The following ARHGAP39 variants were observed in gnomAD, a reference collection of about 807,000 sequenced individuals.
The protein encoded by ARHGAP39 is rho GTPase-activating protein 39.
A neutral mutation model predicts 106.9 loss-of-function variants in ARHGAP39; 44 were observed. The observed-to-expected ratio is 0.41, with a 90% CI of 0.32 to 0.53. The LOEUF (loss-of-function observed/expected upper bound fraction) is 0.53, where lower values mean the gene tolerates loss of function less well. Among genes scored for constraint, ARHGAP39 ranks in the 20% least tolerant of loss-of-function variants. The probability of loss-of-function intolerance (pLI) is 0.21; values close to 1 mark genes in which losing one functional copy is unlikely to be tolerated. For missense variants in ARHGAP39, 1,496 were observed against 1,577.3 expected, an observed-to-expected ratio of 0.95 and a Z score of 0.87; for synonymous variants, 768 against 693.2, an observed-to-expected ratio of 1.11 and a Z score of -1.69.
intron 6 of ARHGAP39, among the ~76,000 whole-genome samples, chr8:144,538,547 A>G (rs1817056791): frequency 6.6e-6 from 1 of 152,126 alleles, no homozygotes; most frequent in South Asian, 2.1e-4. Context: ...TTACTCATTT[A>G]TATCAGTATG....
chr8:144,568,985 T>C (rs1818496021), intron 3 of ARHGAP39, among the ~76,000 whole-genome samples: 1 of 152,182 alleles, frequency 6.6e-6, no homozygotes, highest in Non-Finnish European at 1.5e-5. Context: ...TCACACTGTG[T>C]TAATGGTCTA....
At chr8:144,555,472 G>T in intron 4 of ARHGAP39, 88 bp downstream of exon 4, 2 of 1,161,168 alleles carry the variant, frequency 1.7e-6, no homozygotes, top group East Asian at 2.3e-5. Context: ...GCTGCTACGC[G>T]CCAGGCACCT....
chr8:144,534,056 G>A (rs1816849443), intron 8 of ARHGAP39, 73 bp downstream of exon 8: 1 of 1,540,914 alleles, frequency 6.5e-7, no homozygotes. Context: ...CTGCAGGCGG[G>A]GCTCCTGGGG....
chr8:144,530,400 C>T lies in ARHGAP39; in HGVS notation c.*22G>A. Reference sequence around the variant, plus strand: ...CCTGGCTGGGGGCGGCAGGACATCCCTCCTGTCCCCGGGCGCCCCCGCTAC... The same window carrying T: ...CCTGGCTGGGGGCGGCAGGACATCCTTCCTGTCCCCGGGCGCCCCCGCTAC... On this transcript the variant is annotated 3_prime_UTR_variant, in exon 12 of 12. Coordinates refer to ENST00000377307, the MANE Select transcript of ARHGAP39 (RefSeq NM_025251.3). 1 of 1,575,320 alleles carries T rather than the reference C, an allele frequency of 6.3e-7. No individual in the cohort carries two copies. The highest frequency in any genetic ancestry group is 8.6e-7 in the Non-Finnish European group (1 of 1,157,970).
At position 144,641,039 on chromosome 8, in the gene ARHGAP39, T is replaced by C. The variant is rs1821301462; in HGVS notation, c.-81-35344A>G. ...TTTCTTATTTCCTACAATAATAAAATGTACACTCAACTAGATATTTTTATT... is the reference window on the plus strand; with the variant it reads ...TTTCTTATTTCCTACAATAATAAAACGTACACTCAACTAGATATTTTTATT... On this transcript the variant is annotated intron_variant, in intron 1 of 11. Transcript: ENST00000377307. This position sits in a 1 kb window ranked among gnomAD's most constrained non-coding sequence, Gnocchi z 5.2. Among the ~76,000 whole-genome samples, 1 of 152,156 alleles carries C rather than the reference T, an allele frequency of 6.6e-6. No homozygotes were observed.
rs1423028435 is a variant in ARHGAP39 at position 144,604,913 on chromosome 8, G to A, written c.80+622C>T. ...GGGCAAGGGCACTCGAGCACTCATG[G>A]GGCTGTTCTTATTCTTGTAACTTTT... On this transcript the variant is annotated intron_variant, in intron 2 of 11. Transcript: ENST00000377307. This position sits in a 1 kb window ranked among gnomAD's most constrained non-coding sequence, Gnocchi z 4.1. Among the ~76,000 whole-genome samples the A allele has an allele frequency of 6.6e-6, 1 of 152,192 alleles. No homozygotes were observed. The highest frequency in any genetic ancestry group is 2.1e-4 in the South Asian group (1 of 4,832).
At chr8:144,552,423 G>A (rs966073210) in intron 4 of ARHGAP39, among the ~76,000 whole-genome samples, 1 of 152,250 alleles carries the variant, frequency 6.6e-6, no homozygotes, top group Non-Finnish European at 1.5e-5. Context: ...CAATGCCGCA[G>A]GTTTCCGAGG....
intron 4 of ARHGAP39, among the ~76,000 whole-genome samples, chr8:144,554,327 G>C (rs116039638): frequency 0.012 from 1,835 of 152,316 alleles, 34 homozygotes; most frequent in African/African-American, 0.042. Context: ...CCCTACTCCT[G>C]ACATCCCCAG....
At chr8:144,673,220 A>C (rs1285499731) in intron 1 of ARHGAP39, among the ~76,000 whole-genome samples, 1 of 151,940 alleles carries the variant, frequency 6.6e-6, no homozygotes, top group Non-Finnish European at 1.5e-5. Flanking sequence ...CTGTCTCAAA[A>C]AAAAAAAGAG....
intron 1 of ARHGAP39, among the ~76,000 whole-genome samples, chr8:144,609,360 T>G (rs1554606098): frequency 6.6e-6 from 1 of 151,958 alleles, no homozygotes; most frequent in Non-Finnish European, 1.5e-5. Context: ...AATTACGTAT[T>G]CCTTGTATAA....
chr8:144,590,713 C>T (rs1281536866), intron 2 of ARHGAP39, among the ~76,000 whole-genome samples: 2 of 152,120 alleles, frequency 1.3e-5, no homozygotes, highest in Admixed American at 1.3e-4. Flanking sequence ...TCTCAGTGTG[C>T]ACTGAAGGGG....
At chr8:144,676,215 G>A (rs895428317) in intron 1 of ARHGAP39, among the ~76,000 whole-genome samples, 2 of 152,268 alleles carry the variant, frequency 1.3e-5, no homozygotes, top group South Asian at 4.1e-4. Flanking sequence ...ACCTCCCACC[G>A]ATTGGTCCAT....
chr8:144,655,199 G>A (rs1821665199), intron 1 of ARHGAP39, among the ~76,000 whole-genome samples: 1 of 152,170 alleles, frequency 6.6e-6, no homozygotes, highest in African/African-American at 2.4e-5. Flanking sequence ...GCTGGGGGCT[G>A]GGCTGCCAGT....
At chr8:144,677,996 A>C (rs571449335) in intron 1 of ARHGAP39, among the ~76,000 whole-genome samples, 102 of 152,332 alleles carry the variant, frequency 6.7e-4, no homozygotes, top group African/African-American at 2.4e-3. Flanking sequence ...TGTGTCAACG[A>C]GTCCCTCCCC....
At chr8:144,685,457 C>G (rs1822561757) in intron 1 of ARHGAP39, among the ~76,000 whole-genome samples, 2 of 149,444 alleles carry the variant, frequency 1.3e-5, no homozygotes, top group South Asian at 4.2e-4. Context: ...CTCGGCCCCT[C>G]GAGCCTCCGC....
intron 4 of ARHGAP39, among the ~76,000 whole-genome samples, chr8:144,552,146 G>A (rs1383082046): frequency 2.0e-5 from 3 of 152,246 alleles, no homozygotes; most frequent in African/African-American, 4.8e-5. Context: ...AAGAGCGGTC[G>A]TGGCCTCTGA....
intron 1 of ARHGAP39, among the ~76,000 whole-genome samples, chr8:144,663,000 C>T (rs755133100): frequency 6.6e-6 from 1 of 151,026 alleles, no homozygotes; most frequent in Admixed American, 6.6e-5. Context: ...TGGACCAGTC[C>T]TCCCCATTTT....
intron 1 of ARHGAP39, among the ~76,000 whole-genome samples, chr8:144,629,343 G>A (rs1158591670): frequency 3.3e-5 from 5 of 152,230 alleles, no homozygotes; most frequent in Non-Finnish European, 2.9e-5. Flanking sequence ...GAGCACGGCC[G>A]TGAGACCTCC....
intron 1 of ARHGAP39, among the ~76,000 whole-genome samples, chr8:144,657,363 G>C (rs1210023403): frequency 6.6e-6 from 1 of 152,218 alleles, no homozygotes; most frequent in Admixed American, 6.5e-5. Context: ...AGGAGGCTGA[G>C]GCAGGAGGAT....
Sources: gnomAD v4.1 joint callset for allele counts (sites outside exome capture counted in the v4.1 genomes callset) on GRCh38, gnomAD v4.1.1 for gene constraint, Gnocchi (gnomAD v3.1) non-coding constraint, MANE v1.5 for transcripts, NCBI Gene and HGNC (gene_info 2026-07-23, HGNC 2026-07-21) for gene names.